The following GRM5 variants were observed in gnomAD, a reference collection of about 807,000 sequenced individuals.
GRM5 encodes glutamate metabotropic receptor 5.
A neutral mutation model predicts 83.1 loss-of-function variants in GRM5; 19 were observed. That is an observed-to-expected ratio of 0.23 (90% CI 0.16 to 0.34). GRM5 has a LOEUF of 0.34. Among genes scored for constraint, GRM5 ranks in the 10% least tolerant of loss-of-function variants. GRM5 has a pLI of 1.00. For missense variants in GRM5, 1,160 were observed against 1,588.3 expected, an observed-to-expected ratio of 0.73 and a Z score of 4.58; for synonymous variants, 675 against 633.6, an observed-to-expected ratio of 1.07 and a Z score of -0.98.
intron 4 of GRM5, among the ~76,000 whole-genome samples, chr11:88,631,219 C>T (rs558670384): frequency 6.6e-6 from 1 of 152,022 alleles, no homozygotes; most frequent in African/African-American, 2.4e-5. Context: ...GAGAATGGCA[C>T]CTGTTATAAA....
chr11:88,946,612 T>C (rs997970888), intron 2 of GRM5, among the ~76,000 whole-genome samples: 52 of 152,130 alleles, frequency 3.4e-4, no homozygotes, highest in African/African-American at 9.6e-4. Context: ...GAGCTAAACA[T>C]TGAGTACCCA....
At chr11:88,555,134 A>G (rs1426828271) in intron 8 of GRM5, among the ~76,000 whole-genome samples, 3 of 152,152 alleles carry the variant, frequency 2.0e-5, no homozygotes, top group Non-Finnish European at 4.4e-5. Context: ...CTCAGCTTCA[A>G]GTTTCTCACT....
intron 3 of GRM5, among the ~76,000 whole-genome samples, chr11:88,803,113 A>G (rs1388714248): frequency 6.8e-6 from 1 of 147,848 alleles, no homozygotes; most frequent in African/African-American, 2.6e-5. Context: ...ATACTGCCCA[A>G]GGTAATTTAT....
At chr11:88,806,435 C>T (rs748427437) in intron 3 of GRM5, among the ~76,000 whole-genome samples, 2 of 152,098 alleles carry the variant, frequency 1.3e-5, no homozygotes, top group Non-Finnish European at 2.9e-5. Flanking sequence ...TTTAATTATT[C>T]CATTAATCAT....
At chr11:88,781,608 C>T (rs1942978536) in intron 3 of GRM5, among the ~76,000 whole-genome samples, 1 of 152,094 alleles carries the variant, frequency 6.6e-6, no homozygotes, top group East Asian at 1.9e-4. Context: ...ACAAATGGTT[C>T]CCTGGTTGCA....
rs2135386685 is a variant in GRM5 at position 88,713,554 on chromosome 11, C to A, written c.912-60151G>T. Reference sequence around the variant, plus strand: ...TACATAGTGACAGACAGAAATGATGCTGTTATATGAAGAATATTTACCCAT... The same window carrying A: ...TACATAGTGACAGACAGAAATGATGATGTTATATGAAGAATATTTACCCAT... On this transcript the variant is annotated intron_variant, in intron 3 of 9. Coordinates refer to ENST00000305447, the MANE Select transcript of GRM5 (RefSeq NM_001143831.3). Among the ~76,000 whole-genome samples, 9 of 152,100 alleles carry A rather than the reference C, an allele frequency of 5.9e-5. No homozygotes were observed. In the South Asian group the frequency reaches 1.9e-3, roughly 32 times the overall value.
intron 2 of GRM5, among the ~76,000 whole-genome samples, chr11:89,035,997 A>G (rs1941375255): frequency 6.6e-6 from 1 of 152,082 alleles, no homozygotes; most frequent in South Asian, 2.1e-4. Context: ...GAAGTTATCT[A>G]TCTACTGCTT....
At chr11:88,850,459 A>C (rs1260091695) in intron 2 of GRM5, among the ~76,000 whole-genome samples, 1 of 152,144 alleles carries the variant, frequency 6.6e-6, no homozygotes, top group Non-Finnish European at 1.5e-5. Context: ...ATATGAGCTG[A>C]TGGAAATATT....
At chr11:88,977,223 ATTTT>A in intron 2 of GRM5, among the ~76,000 whole-genome samples, 1 of 149,786 alleles carries the variant, frequency 6.7e-6, no homozygotes, top group Admixed American at 6.6e-5. Flanking sequence ...ATTTTATTTT[ATTTT>A]TTTGAGATGG....
chr11:88,722,997 C>T (rs939200092), intron 3 of GRM5, among the ~76,000 whole-genome samples: 1 of 152,048 alleles, frequency 6.6e-6, no homozygotes, highest in Non-Finnish European at 1.5e-5. Context: ...CCCTAAAAAT[C>T]CCCTGTGCCC....
chr11:88,651,405 T>C (rs1416159808), intron 4 of GRM5, among the ~76,000 whole-genome samples: 2 of 152,014 alleles, frequency 1.3e-5, no homozygotes, highest in African/African-American at 4.8e-5. Flanking sequence ...AAATCAGAGC[T>C]ACTGCTTACC....
chr11:88,574,989 T>TTC (rs1943078144), intron 7 of GRM5, among the ~76,000 whole-genome samples: 1 of 148,890 alleles, frequency 6.7e-6, no homozygotes, highest in South Asian at 2.1e-4. Context: ...TCTTTTCTTT[T>TTC]TTTTTTTTTT....
chr11:88,936,071 A>T (rs1466739339), intron 2 of GRM5, among the ~76,000 whole-genome samples: 1 of 151,878 alleles, frequency 6.6e-6, no homozygotes, highest in Non-Finnish European at 1.5e-5. Flanking sequence ...GGAGAAGCTG[A>T]TGATTAATGG....
intron 3 of GRM5, among the ~76,000 whole-genome samples, chr11:88,675,546 A>G (rs550410570): frequency 2.0e-5 from 3 of 152,118 alleles, no homozygotes; most frequent in African/African-American, 7.2e-5. Flanking sequence ...ATTTTGATAT[A>G]GAAAACAACT....
At chr11:88,760,389 C>G (rs1206873121) in intron 3 of GRM5, among the ~76,000 whole-genome samples, 1 of 151,754 alleles carries the variant, frequency 6.6e-6, no homozygotes, top group Admixed American at 6.6e-5. Flanking sequence ...TACCACGGAC[C>G]CCATAGAAAT....
intron 3 of GRM5, among the ~76,000 whole-genome samples, chr11:88,741,305 A>G (rs1453016485): frequency 1.3e-5 from 2 of 152,050 alleles, no homozygotes; most frequent in East Asian, 3.9e-4. Flanking sequence ...GGAGAATGAA[A>G]TATTGCAACT....
intron 9 of GRM5, chr11:88,524,171 CTTTTCTTTTCTT>C (rs926524801): frequency 7.2e-6 from 1 of 138,758 alleles, no homozygotes; most frequent in Non-Finnish European, 1.6e-5. Flanking sequence ...CTCCAGGGCC[CTTTTCTTTTCTT>C]TTTTCTTTTT....
intron 3 of GRM5, among the ~76,000 whole-genome samples, chr11:88,724,690 T>A (rs1941633980): frequency 6.6e-6 from 1 of 152,142 alleles, no homozygotes; most frequent in African/African-American, 2.4e-5. Context: ...GATTTCTGCA[T>A]TTCCAGCTGA....
chr11:88,876,891 A>C (rs1286945870), intron 2 of GRM5, among the ~76,000 whole-genome samples: 1 of 152,268 alleles, frequency 6.6e-6, no homozygotes, highest in East Asian at 1.9e-4. Context: ...CCATAAAAAA[A>C]GAATGAAATG....
Sources: gnomAD v4.1 joint callset for allele counts (sites outside exome capture counted in the v4.1 genomes callset) on GRCh38, gnomAD v4.1.1 for gene constraint, MANE v1.5 for transcripts, NCBI Gene and HGNC (gene_info 2026-07-23, HGNC 2026-07-21) for gene names.